Variants in GRK4 observed in about 807,000 individuals in gnomAD.
GRK4 encodes the protein G protein-coupled receptor kinase 2-like.
Under a neutral mutation model 77.9 loss-of-function variants are expected in GRK4, and 73 were observed. That is an observed-to-expected ratio of 0.94 (90% CI 0.78 to 1.14). The LOEUF (loss-of-function observed/expected upper bound fraction) is 1.14, where lower values mean the gene tolerates loss of function less well. Ranked by LOEUF, GRK4 falls within the 50% of genes most tolerant of loss-of-function variation. The pLI is 0.00. For missense variants in GRK4, 729 were observed against 700.2 expected (o/e 1.04, Z -0.46); for synonymous variants, 257 against 254.4 (o/e 1.01, Z -0.10).
chr4:2,979,723 C>A (rs914752249), intron 1 of GRK4, among the ~76,000 whole-genome samples: 1 of 152,114 alleles, frequency 6.6e-6, no homozygotes, highest in East Asian at 1.9e-4. Context: ...CCCTACCCCC[C>A]CAAAAAAAAT....
At chr4:3,021,346 A>G (rs1205417137) in intron 9 of GRK4, among the ~76,000 whole-genome samples, 1 of 152,188 alleles carries the variant, frequency 6.6e-6, no homozygotes, top group African/African-American at 2.4e-5. Flanking sequence ...GGGTGTGAGC[A>G]TGAGGATGTG....
intron 1 of GRK4, chr4:2,965,405 C>T (rs764770859): frequency 7.1e-6 from 5 of 702,962 alleles, no homozygotes; most frequent in Admixed American, 2.0e-5. Flanking sequence ...GTGCTAGCCA[C>T]GGTAGTTCTT....
chr4:3,008,370 G>GT, intron 6 of GRK4, among the ~76,000 whole-genome samples: 1 of 152,296 alleles, frequency 6.6e-6, no homozygotes, highest in South Asian at 2.1e-4. Context: ...GGCTTAGCTT[G>GT]TATGAGTGGC....
chr4:3,032,463 T>C (rs1174987730), intron 12 of GRK4, among the ~76,000 whole-genome samples: 1 of 152,184 alleles, frequency 6.6e-6, no homozygotes, highest in Non-Finnish European at 1.5e-5. Flanking sequence ...TGCATACTTG[T>C]TCTGCTAGGC....
At chr4:2,991,437 CCATTGCAGGAT>C (rs1726137357) in intron 3 of GRK4, among the ~76,000 whole-genome samples, 1 of 152,334 alleles carries the variant, frequency 6.6e-6, no homozygotes, top group South Asian at 2.1e-4. Flanking sequence ...TATCGAAGGA[CCATTGCAGGAT>C]CAGACTTGCT....
At chr4:3,004,025 G>A (rs1191584499) in intron 4 of GRK4, among the ~76,000 whole-genome samples, 1 of 152,230 alleles carries the variant, frequency 6.6e-6, no homozygotes, top group Non-Finnish European at 1.5e-5. Flanking sequence ...GGCCCTGTGT[G>A]TGTTTTGATA....
intron 5 of GRK4, among the ~76,000 whole-genome samples, chr4:3,006,612 T>C (rs889854134): frequency 1.3e-5 from 2 of 151,920 alleles, no homozygotes; most frequent in Non-Finnish European, 2.9e-5. Context: ...AAACCCTGTC[T>C]GTAATACAAA....
chr4:3,033,301 A>G (rs901191330), intron 12 of GRK4, among the ~76,000 whole-genome samples: 4 of 152,194 alleles, frequency 2.6e-5, no homozygotes, highest in African/African-American at 9.7e-5. Flanking sequence ...AGGACAAACC[A>G]GCTCCCTGGG....
chr4:2,992,376 C>T, intron 4 of GRK4, 84 bp downstream of exon 4: 2 of 927,708 alleles, frequency 2.2e-6, no homozygotes, highest in Non-Finnish European at 3.4e-6. Context: ...TAAGACGTAA[C>T]ATATGTTAAA....
At chr4:2,964,178 G>T in intron 1 of GRK4, 56 bp downstream of exon 1, 1 of 1,447,984 alleles carries the variant, frequency 6.9e-7, no homozygotes, top group South Asian at 1.2e-5. Context: ...GAATCCCGGG[G>T]AACCCTGGCC....
chr4:3,003,220 C>T (rs1010739032), intron 4 of GRK4, among the ~76,000 whole-genome samples: 2 of 152,096 alleles, frequency 1.3e-5, no homozygotes, highest in African/African-American at 2.4e-5. Flanking sequence ...GATGGAGTTT[C>T]GCTCTGTCGT....
chr4:2,996,330 G>A (rs962312188), intron 4 of GRK4, among the ~76,000 whole-genome samples: 1 of 152,146 alleles, frequency 6.6e-6, no homozygotes, highest in Non-Finnish European at 1.5e-5. Flanking sequence ...TGAGGCAGAC[G>A]GATCACCTGT....
intron 12 of GRK4, among the ~76,000 whole-genome samples, chr4:3,029,711 C>G (rs1223211011): frequency 6.6e-6 from 1 of 151,384 alleles, no homozygotes; most frequent in Non-Finnish European, 1.5e-5. Flanking sequence ...CACCTGCCTC[C>G]TGGCCCAGCA....
chr4:3,006,145 C>T (rs111886363), intron 5 of GRK4, among the ~76,000 whole-genome samples: 2,538 of 152,140 alleles, frequency 0.017, 81 homozygotes, highest in African/African-American at 0.057. Context: ...TTTGGGAGGC[C>T]GACGTGGGTG....
intron 12 of GRK4, among the ~76,000 whole-genome samples, chr4:3,033,201 A>C (rs1739627006): frequency 6.6e-6 from 1 of 152,188 alleles, no homozygotes. Flanking sequence ...TGGGTAACAC[A>C]GTGAGATGCC....
chr4:3,038,743 TA>T (rs1664036296), intron 15 of GRK4: 3 of 468,804 alleles, frequency 6.4e-6, no homozygotes, highest in Non-Finnish European at 1.1e-5. Context: ...AAAACAGGAC[TA>T]CCTTCCAGCA....
intron 2 of GRK4, chr4:2,986,906 A>G (rs1724556799): frequency 9.6e-6 from 3 of 313,144 alleles, no homozygotes; most frequent in South Asian, 7.9e-5. Context: ...TCATTGTTGT[A>G]ACCCCCCCAT....
chr4:3,040,339 G>A (rs1742058914), intron 15 of GRK4, among the ~76,000 whole-genome samples: 1 of 152,092 alleles, frequency 6.6e-6, no homozygotes, highest in South Asian at 2.1e-4. Context: ...TACTCAGGAG[G>A]CTGAGGAAGG....
At chr4:3,028,703 GA>G (rs974381383) in intron 11 of GRK4, among the ~76,000 whole-genome samples, 1 of 152,104 alleles carries the variant, frequency 6.6e-6, no homozygotes, top group Admixed American at 6.6e-5. Flanking sequence ...CCACCAGTTT[GA>G]AGTGTGTAAT....
Sources: gnomAD v4.1 joint callset for allele counts (sites outside exome capture counted in the v4.1 genomes callset) on GRCh38, gnomAD v4.1.1 for gene constraint, MANE v1.5 for transcripts, NCBI Gene and HGNC (gene_info 2026-07-23, HGNC 2026-07-21) for gene names.